Variants in DNAH9 observed in about 807,000 individuals in gnomAD.
The protein encoded by DNAH9 is dynein axonemal heavy chain 9.
In DNAH9, 345 loss-of-function variants were observed where a neutral mutation model predicts 471.6. That is an observed-to-expected ratio of 0.73 (90% CI 0.67 to 0.80). DNAH9 has a LOEUF of 0.80. Among genes scored for constraint, DNAH9 ranks in the 30% least tolerant of loss-of-function variants. DNAH9 has a pLI of 0.00. For synonymous variants in DNAH9, 2,093 were observed against 2,123.6 expected (o/e 0.99, Z 0.40); for missense variants, 5,407 against 5,609.2 (o/e 0.96, Z 1.15).
chr17:11,891,212 G>T (rs1463145393), intron 57 of DNAH9, among the ~76,000 whole-genome samples: 1 of 152,186 alleles, frequency 6.6e-6, no homozygotes, highest in Non-Finnish European at 1.5e-5. Flanking sequence ...AAAGGAGGCT[G>T]CTTGCAAGGA....
In DNAH9 at chr17:11,781,017, G is replaced by C. The variant is rs772262539; in HGVS notation, c.7561G>C (p.Glu2521Gln). ...TTSAMLQAVL[E>Q]KPLEKKAGRN... ...ACTGGCTCTCTCCCCAGCTGTCCTG[G>C]AGAAGCCTCTGGAAAAGAAGGCTGG... The change falls in exon 39 of 69, where the codon GAG becomes CAG. Residue 2521 changes from glutamate to glutamine, a missense_variant. Physicochemically the swap from Glu to Gln is conservative, Grantham distance 29. Coordinates refer to ENST00000262442, the MANE Select transcript of DNAH9 (RefSeq NM_001372.4). 8 of 1,613,826 alleles carry C rather than the reference G, an allele frequency of 5.0e-6. 1 individual carries two copies. The South Asian group carries it at 7.7e-5, about 16-fold the overall frequency.
intron 67 of DNAH9, among the ~76,000 whole-genome samples, chr17:11,961,328 A>T (rs1291853484): frequency 6.6e-6 from 1 of 152,234 alleles, no homozygotes; most frequent in Non-Finnish European, 1.5e-5. Flanking sequence ...AAATAAAAAA[A>T]AATAAAGATG....
Position 11,689,561 on chromosome 17 carries a change from T to C in DNAH9, c.3744-5T>C. ...ACTTACAAAGGAACACACTGTGTTT[T>C]GTAGGTTTGATAGCATCCACCCTCA... is the stretch of plus-strand genomic sequence containing the variant. On this transcript the variant is annotated splice_polypyrimidine_tract_variant and splice_region_variant and intron_variant, in intron 19 of 68. Coordinates refer to ENST00000262442, the MANE Select transcript of DNAH9 (RefSeq NM_001372.4). 1 of 1,606,876 alleles carries C rather than the reference T, an allele frequency of 6.2e-7. No individual in the cohort carries two copies. Among genetic ancestry groups the C allele is most frequent in the Non-Finnish European group, 8.5e-7 (1 of 1,176,524 alleles).
At chr17:11,889,958 A>G (rs9913087) in intron 57 of DNAH9, among the ~76,000 whole-genome samples, 3,161 of 152,340 alleles carry the variant, frequency 0.021, 112 homozygotes, top group African/African-American at 0.073. Context: ...ACCAGAAGTA[A>G]GAGGAAGAAG....
At chr17:11,673,860 A>G (rs990704183) in intron 17 of DNAH9, among the ~76,000 whole-genome samples, 2 of 152,164 alleles carry the variant, frequency 1.3e-5, no homozygotes, top group African/African-American at 2.4e-5. Flanking sequence ...GTGTATGTAT[A>G]TGGATATATA....
chr17:11,848,402 CT>C (rs892819054), intron 49 of DNAH9, among the ~76,000 whole-genome samples: 7 of 151,504 alleles, frequency 4.6e-5, no homozygotes, highest in African/African-American at 9.7e-5. Context: ...TTAATCTATC[CT>C]TTTTTTTATT....
At chr17:11,621,147 C>A (rs2150658571) in intron 6 of DNAH9, among the ~76,000 whole-genome samples, 1 of 152,080 alleles carries the variant, frequency 6.6e-6, no homozygotes, top group South Asian at 2.1e-4. Flanking sequence ...CGGTGGCTCT[C>A]CCCTGTAATC....
intron 61 of DNAH9, among the ~76,000 whole-genome samples, chr17:11,916,996 G>C (rs1428987219): frequency 1.3e-5 from 2 of 152,120 alleles, no homozygotes. Context: ...GTGGCACTCA[G>C]TCTCCTCCAG....
chr17:11,714,079 A>G (rs1434564346), intron 26 of DNAH9, among the ~76,000 whole-genome samples: 1 of 152,250 alleles, frequency 6.6e-6, no homozygotes, highest in Non-Finnish European at 1.5e-5. Flanking sequence ...CATTTATGCT[A>G]AGAACAAAAA....
At chr17:11,615,595 G>T (rs200928584) in intron 4 of DNAH9, among the ~76,000 whole-genome samples, 12 of 140,850 alleles carry the variant, frequency 8.5e-5, no homozygotes, top group Non-Finnish European at 3.1e-5. Flanking sequence ...CACCCCAAAA[G>T]AAAAAAAAAA....
intron 30 of DNAH9, among the ~76,000 whole-genome samples, chr17:11,743,277 C>T (rs542664945): frequency 6.6e-6 from 1 of 152,278 alleles, no homozygotes; most frequent in Non-Finnish European, 1.5e-5. Flanking sequence ...TTTAAATGAA[C>T]CCTTAATGAT....
intron 9 of DNAH9, among the ~76,000 whole-genome samples, chr17:11,639,965 T>C (rs748377317): frequency 5.9e-5 from 9 of 152,160 alleles, no homozygotes; most frequent in Admixed American, 5.9e-4. Flanking sequence ...ATTGCGCCAC[T>C]GCACTCCAGC....
At position 11,598,553 on chromosome 17, in the gene DNAH9, C is replaced by T; in HGVS notation, c.55C>T (p.Pro19Ser). The change falls in exon 1 of 69, where the codon CCC (proline) becomes TCC (serine). Residue 19 changes from proline to serine, a missense_variant. By Grantham distance (74) the Pro-to-Ser change is moderately conservative. Around this residue, in one of 3 missense-constraint regions of DNAH9, gnomAD observed 767 missense variants for 692.5 expected, o/e 1.11. Transcript: ENST00000262442. The stretch of plus-strand genomic sequence containing the variant: ...CGCGGCGGAGAACGCGGATGGGGAA[C>T]CCGGCGCCGACCGACGACTGCGACT... Reference protein sequence around the residue: ...ALAAENADGEPGADRRLRLLG... With the variant: ...ALAAENADGESGADRRLRLLG... 3 of 1,408,470 alleles carry T rather than the reference C, an allele frequency of 2.1e-6. No individual in the cohort carries two copies. The highest frequency in any genetic ancestry group is 1.5e-5 in the African/African-American group (1 of 66,540). 87.2% of individuals were successfully genotyped at this position (1,408,470 alleles called of 1,614,324 possible). A position where few individuals can be genotyped will look rare whatever the true frequency, so the allele number is the denominator to read the frequency against.
rs1205478901 is a variant in DNAH9 at position 11,784,477 on chromosome 17, C to T, written c.7999C>T (p.Leu2667=). The part of the protein sequence containing the change: ...AFHQKIATTF[L]PTGIKFHYIF... ...CCACCAGAAAATTGCTACCACCTTC[C>T]TACCCACAGGAATCAAATTCCACTA... Residue 2667 remains leucine (L), a synonymous_variant, in exon 41 of 69, where the codon CTA becomes TTA. Coordinates refer to ENST00000262442, the MANE Select transcript of DNAH9 (RefSeq NM_001372.4). 1 of 1,614,224 alleles carries T rather than the reference C, an allele frequency of 6.2e-7. No individual in the cohort carries two copies. Among genetic ancestry groups the T allele is most frequent in the South Asian group, 1.1e-5 (1 of 91,090 alleles).
intron 61 of DNAH9, among the ~76,000 whole-genome samples, chr17:11,917,403 C>T (rs1160685923): frequency 6.6e-6 from 1 of 152,112 alleles, no homozygotes; most frequent in Admixed American, 6.5e-5. Context: ...GTGATCCACC[C>T]GCCGCAGCCT....
chr17:11,807,176 G>A (rs1030709499), intron 43 of DNAH9, among the ~76,000 whole-genome samples: 3 of 152,060 alleles, frequency 2.0e-5, no homozygotes, highest in Non-Finnish European at 4.4e-5. Flanking sequence ...GGTCATCCAC[G>A]CCCAGGAAGG....
At chr17:11,889,843 A>C (rs1181366001) in intron 57 of DNAH9, among the ~76,000 whole-genome samples, 1 of 152,190 alleles carries the variant, frequency 6.6e-6, no homozygotes. Context: ...ATGAGTATAT[A>C]TGAGGGTAGT....
chr17:11,893,323 T>A (rs959191149), intron 58 of DNAH9, among the ~76,000 whole-genome samples: 7 of 152,142 alleles, frequency 4.6e-5, no homozygotes, highest in Non-Finnish European at 1.0e-4. Context: ...CCATGGAACG[T>A]CGTCCCTTCT....
chr17:11,926,373 C>T (rs961504742), intron 62 of DNAH9, among the ~76,000 whole-genome samples: 13 of 152,058 alleles, frequency 8.5e-5, no homozygotes, highest in Non-Finnish European at 7.4e-5. Flanking sequence ...TTAAGCCCAG[C>T]ATCCATTAGC....
Sources: allele counts gnomAD v4.1 joint callset (sites outside exome capture counted in the v4.1 genomes callset), GRCh38; gene constraint gnomAD v4.1.1; regional missense constraint gnomAD v4.1.1; transcripts MANE v1.5; gene names NCBI Gene and HGNC (gene_info 2026-07-23, HGNC 2026-07-21).